SLC5A4: variants seen among roughly 807,000 people sequenced by gnomAD.
SLC5A4 encodes probable glucose sensor protein SLC5A4.
A neutral mutation model predicts 70.3 loss-of-function variants in SLC5A4; 55 were observed. The observed-to-expected ratio is 0.78, with a 90% CI of 0.63 to 0.98. SLC5A4 has a LOEUF of 0.98. Among genes scored for constraint, SLC5A4 ranks in the 50% least tolerant of loss-of-function variants. The probability of loss-of-function intolerance (pLI) is 0.00; values close to 1 mark genes in which losing one functional copy is unlikely to be tolerated. For missense variants in SLC5A4, 735 were observed against 839.2 expected (o/e 0.88, Z 1.53); for synonymous variants, 268 against 305.7 (o/e 0.88, Z 1.29).
the SLC5A4 span, among the ~76,000 whole-genome samples, chr22:32,305,349 T>C: frequency 7.6e-6 from 1 of 131,106 alleles, no homozygotes; most frequent in East Asian, 2.2e-4. Context: ...GTGCCTCTGT[T>C]GCTTCTTCAC....
the SLC5A4 span, among the ~76,000 whole-genome samples, chr22:32,326,799 A>T: frequency 1.3e-5 from 2 of 152,164 alleles, no homozygotes; most frequent in Non-Finnish European, 2.9e-5. Context: ...CTGCCATCAC[A>T]GGGTCCTAAG....
At chr22:32,310,461 C>A in the SLC5A4 span, among the ~76,000 whole-genome samples, 2 of 152,206 alleles carry the variant, frequency 1.3e-5, no homozygotes, top group South Asian at 4.1e-4. Context: ...CTGTGGCTGC[C>A]CCAGCTGGGC....
At chr22:32,309,279 G>T in the SLC5A4 span, among the ~76,000 whole-genome samples, 4 of 152,206 alleles carry the variant, frequency 2.6e-5, no homozygotes, top group Non-Finnish European at 5.9e-5. Flanking sequence ...ATCACACACA[G>T]TTCCCAGTGA....
chr22:32,266,672 C>T, the SLC5A4 span, among the ~76,000 whole-genome samples: 2 of 152,192 alleles, frequency 1.3e-5, no homozygotes, highest in Admixed American at 1.3e-4. Context: ...CAGTCCAATA[C>T]CTGTGCATAA....
At chr22:32,330,252 G>T in the SLC5A4 span, among the ~76,000 whole-genome samples, 1 of 109,180 alleles carries the variant, frequency 9.2e-6, no homozygotes, top group Non-Finnish European at 1.9e-5. Flanking sequence ...TCTGTGTTGG[G>T]GGGCTCTGGT....
the SLC5A4 span, chr22:32,276,849 T>C: frequency 6.6e-6 from 1 of 152,176 alleles, no homozygotes; most frequent in African/African-American, 2.4e-5. Flanking sequence ...TACTTTTTGA[T>C]TTGGAATAAT....
the SLC5A4 span, among the ~76,000 whole-genome samples, chr22:32,307,576 G>A: frequency 6.6e-6 from 1 of 152,152 alleles, no homozygotes; most frequent in South Asian, 2.1e-4. Context: ...TTTTCTAGGA[G>A]GATCCTGACC....
chr22:32,311,127 A>G, the SLC5A4 span, among the ~76,000 whole-genome samples: 15 of 151,894 alleles, frequency 9.9e-5, no homozygotes, highest in Admixed American at 2.0e-4. Context: ...TTCCCAGACC[A>G]CCCCAGGTCC....
chr22:32,269,474 G>T, the SLC5A4 span: 1 of 537,050 alleles, frequency 1.9e-6, no homozygotes, highest in Non-Finnish European at 3.6e-6. The surrounding 1 kb of genome is among the most constrained non-coding windows in gnomAD (Gnocchi z 4.1). Context: ...CATCCTGTTC[G>T]AGCCCAACCA....
chr22:32,354,393 T>C, the SLC5A4 span, among the ~76,000 whole-genome samples: 1 of 151,138 alleles, frequency 6.6e-6, no homozygotes, highest in African/African-American at 2.4e-5. Context: ...CTCCCTGCTG[T>C]GGGCAGTGCA....
chr22:32,277,689 AG>A, the SLC5A4 span, among the ~76,000 whole-genome samples: 2 of 152,104 alleles, frequency 1.3e-5, no homozygotes, highest in South Asian at 4.2e-4. Context: ...CTGGGACTAC[AG>A]GTGCCCGCCA....
the SLC5A4 span, among the ~76,000 whole-genome samples, chr22:32,312,181 C>T: frequency 6.6e-6 from 1 of 152,096 alleles, no homozygotes; most frequent in Admixed American, 6.5e-5. Flanking sequence ...TTCAAATCCC[C>T]AGTGCTCCCT....
the SLC5A4 span, among the ~76,000 whole-genome samples, chr22:32,318,668 C>T: frequency 6.6e-6 from 1 of 152,200 alleles, no homozygotes; most frequent in Non-Finnish European, 1.5e-5. Context: ...GGTGTCTGTG[C>T]TGGTCAGCCC....
At chr22:32,261,004 C>T in the SLC5A4 span, among the ~76,000 whole-genome samples, 166 of 151,322 alleles carry the variant, frequency 1.1e-3, no homozygotes, top group Non-Finnish European at 1.6e-3. Flanking sequence ...ACCCAGGAGG[C>T]GAAGTTTGCA....
the SLC5A4 span, among the ~76,000 whole-genome samples, chr22:32,266,081 C>T: frequency 1.3e-4 from 20 of 152,158 alleles, no homozygotes; most frequent in African/African-American, 4.6e-4. Flanking sequence ...AGAGCTTAGC[C>T]ATTTAGCCAT....
chr22:32,229,666 G>C (rs148792119), intron 10 of SLC5A4, among the ~76,000 whole-genome samples: 69 of 152,198 alleles, frequency 4.5e-4, no homozygotes, highest in Non-Finnish European at 7.5e-4. Context: ...GGGGACTAGG[G>C]GTGGCAGCGG....
intron 10 of SLC5A4, 132 bp from the exon 11 acceptor site, chr22:32,229,476 T>C (rs1229489944): frequency 4.5e-6 from 4 of 887,674 alleles, no homozygotes; most frequent in East Asian, 5.4e-5. Flanking sequence ...CACATCAGCA[T>C]GTGGAGTTTC....
At chr22:32,279,242 T>C in the SLC5A4 span, among the ~76,000 whole-genome samples, 22 of 152,336 alleles carry the variant, frequency 1.4e-4, no homozygotes, top group East Asian at 2.1e-3. Context: ...CGCCGCTGCA[T>C]TCCAGCCTGG....
the SLC5A4 span, among the ~76,000 whole-genome samples, chr22:32,354,083 C>T: frequency 1.3e-5 from 2 of 150,252 alleles, no homozygotes. Context: ...CCCCAGGTAG[C>T]ACACCCACCA....
Sources: allele counts gnomAD v4.1 joint callset (sites outside exome capture counted in the v4.1 genomes callset), GRCh38; gene constraint gnomAD v4.1.1; non-coding constraint Gnocchi (gnomAD v3.1); transcripts MANE v1.5; gene names NCBI Gene and HGNC (gene_info 2026-07-23, HGNC 2026-07-21).